Variants in EPAS1 observed in about 807,000 individuals in gnomAD.
EPAS1 encodes endothelial PAS domain protein 1.
A neutral mutation model predicts 87.9 loss-of-function variants in EPAS1; 23 were observed. The ratio of observed to expected loss-of-function variants is 0.26; its 90% CI spans 0.19 to 0.37. The LOEUF (loss-of-function observed/expected upper bound fraction) is 0.37, where lower values mean the gene tolerates loss of function less well. Ranked by LOEUF, EPAS1 falls within the 10% of genes least tolerant of loss-of-function variation. The pLI is 1.00. For synonymous variants in EPAS1, 508 were observed against 444.3 expected (o/e 1.14, Z -1.80); for missense variants, 1,138 against 1,120.7 (o/e 1.02, Z -0.22).
At position 46,380,315 on chromosome 2, in the gene EPAS1, A is replaced by C; in HGVS notation, c.1643A>C (p.Glu548Ala). ...TTCCAGCTAAGCCCCATCTGCCCCG[A>C]GGAGCGGCTCTTGGCGGAGAACCCA... The part of the protein sequence containing the change: ...EDFQLSPICP[E>A]ERLLAENPQS... The change falls in exon 12 of 16, where the codon GAG (glutamate) becomes GCG (alanine). Residue 548 changes from glutamate to alanine, a missense_variant. By Grantham distance (107) the Glu-to-Ala change is moderately radical (BLOSUM62 -1). Coordinates refer to ENST00000263734, the MANE Select transcript of EPAS1 (RefSeq NM_001430.5). The surrounding 1 kb of genome is among the most constrained non-coding windows in gnomAD (Gnocchi z 4.4). The C allele has an allele frequency of 6.2e-7, 1 of 1,614,104 alleles. No homozygotes were observed. The highest frequency in any genetic ancestry group is 8.5e-7 in the Non-Finnish European group (1 of 1,180,004).
intron 2 of EPAS1, among the ~76,000 whole-genome samples, chr2:46,355,168 C>T (rs1684245114): frequency 6.6e-6 from 1 of 152,144 alleles, no homozygotes; most frequent in African/African-American, 2.4e-5. Flanking sequence ...GGGATCTGAG[C>T]AATTTGAGGG....
rs747618081 is a variant in EPAS1, at chr2:46,381,985, C to G, written c.2183C>G (p.Pro728Arg). The change falls in exon 14 of 16, where the codon CCT (proline) becomes CGT (arginine). Residue 728 changes from proline (P) to arginine (R), a missense_variant. This residue lies in a region of EPAS1 where 502 missense variants were observed against 427.1 expected (regional missense o/e 1.18). Coordinates refer to ENST00000263734, the MANE Select transcript of EPAS1 (RefSeq NM_001430.5). ...CCTTCTTACTCCCAGGGGGACCCAC[C>G]TGGTGGCAGCACCTCACATTTGATG... Reference protein sequence around the residue: ...AFQDLSGGDPPGGSTSHLMWK... With the variant: ...AFQDLSGGDPRGGSTSHLMWK... The G allele has an allele frequency of 1.5e-5, 25 of 1,613,990 alleles. No individual in the cohort carries two copies. Among genetic ancestry groups the G allele is most frequent in the Middle Eastern group, 3.3e-4 (2 of 6,084 alleles).
At chr2:46,326,930 A>G (rs1683575001) in intron 1 of EPAS1, among the ~76,000 whole-genome samples, 2 of 152,208 alleles carry the variant, frequency 1.3e-5, no homozygotes, top group South Asian at 4.1e-4. Context: ...TTTACCACCT[A>G]TGAGTTGTGG....
At chr2:46,307,047 C>A (rs1683118541) in intron 1 of EPAS1, among the ~76,000 whole-genome samples, 1 of 152,194 alleles carries the variant, frequency 6.6e-6, no homozygotes, top group African/African-American at 2.4e-5. Context: ...TGCCCCTTTC[C>A]TGTGTATTTA....
chr2:46,327,718 G>A, intron 1 of EPAS1, among the ~76,000 whole-genome samples: 1 of 152,182 alleles, frequency 6.6e-6, no homozygotes, highest in South Asian at 2.1e-4. Context: ...TATAGCCCCT[G>A]GCACAGAGTA....
intron 1 of EPAS1, among the ~76,000 whole-genome samples, chr2:46,326,611 C>G (rs907038835): frequency 2.6e-5 from 4 of 152,134 alleles, no homozygotes; most frequent in Non-Finnish European, 5.9e-5. Context: ...GCCTTACTAC[C>G]CTAGCATACT....
In EPAS1 at chr2:46,326,825, G is replaced by C. The variant is rs898498138; in HGVS notation, c.27-20048G>C. Among the ~76,000 whole-genome samples, 5 of 152,272 alleles carry C rather than the reference G, an allele frequency of 3.3e-5. No individual in the cohort carries two copies. The East Asian group carries it at 9.6e-4, about 29-fold the overall frequency. On this transcript the variant is annotated intron_variant, in intron 1 of 15. Coordinates refer to ENST00000263734, the MANE Select transcript of EPAS1 (RefSeq NM_001430.5). The stretch of plus-strand genomic sequence containing the variant: ...AGTAAATACCCTGATATGGAAATAG[G>C]GAAAATGGTTCTAGGGGTTTTGGAG...
At chr2:46,364,943 A>C (rs1684470694) in intron 6 of EPAS1, among the ~76,000 whole-genome samples, 1 of 152,236 alleles carries the variant, frequency 6.6e-6, no homozygotes. Context: ...GACATAAGCC[A>C]TTTAATGAAA....
intron 8 of EPAS1, 137 bp from the exon 9 acceptor site, chr2:46,376,402 C>A: frequency 1.2e-6 from 1 of 817,086 alleles, no homozygotes; most frequent in Non-Finnish European, 2.1e-6. Flanking sequence ...TTGTATGGTT[C>A]TTTATAAGAC....
intron 1 of EPAS1, among the ~76,000 whole-genome samples, chr2:46,343,002 C>A (rs1683941427): frequency 6.6e-6 from 1 of 152,006 alleles, no homozygotes; most frequent in Non-Finnish European, 1.5e-5. Flanking sequence ...AAAAAACAAA[C>A]CCAAAACAAA....
At chr2:46,352,190 A>T (rs1170968649) in intron 2 of EPAS1, among the ~76,000 whole-genome samples, 1 of 152,218 alleles carries the variant, frequency 6.6e-6, no homozygotes, top group African/African-American at 2.4e-5. Flanking sequence ...GATGATTTAC[A>T]GACCCACTTG....
rs563850355 is a variant in EPAS1 at position 46,356,251 on chromosome 2, C to T, written c.318C>T (p.Gly106=). 75 of 1,613,662 alleles carry T rather than the reference C, an allele frequency of 4.6e-5. No individual in the cohort carries two copies. Among genetic ancestry groups the T allele is most frequent in the East Asian group, 3.3e-4 (15 of 44,866 alleles). Residue 106 remains glycine (G), a synonymous_variant, in exon 3 of 16, where the codon GGC becomes GGT. Coordinates refer to ENST00000263734, the MANE Select transcript of EPAS1 (RefSeq NM_001430.5). ...TCATTGCCGTGGTGACCCAAGATGG[C>T]GACATGATCTTTCTGTCAGAAAACA... is the stretch of plus-strand genomic sequence containing the variant. ...EGFIAVVTQD[G]DMIFLSENIS... is the part of the protein sequence containing the mutation.
At chr2:46,330,365 G>A (rs1558589871) in intron 1 of EPAS1, among the ~76,000 whole-genome samples, 1 of 152,206 alleles carries the variant, frequency 6.6e-6, no homozygotes. Context: ...ACACATAGAT[G>A]GGTAGTGCAC....
chr2:46,350,971 G>C (rs1336820459), intron 2 of EPAS1, among the ~76,000 whole-genome samples: 1 of 152,210 alleles, frequency 6.6e-6, no homozygotes, highest in African/African-American at 2.4e-5. Context: ...GGCTTGATAT[G>C]ACCTTTCCAT....
At chr2:46,374,615 A>G (rs945616812) in intron 7 of EPAS1, among the ~76,000 whole-genome samples, 2 of 152,226 alleles carry the variant, frequency 1.3e-5, no homozygotes, top group African/African-American at 4.8e-5. Flanking sequence ...ATCCCAAGCT[A>G]GCAAGATTTC....
At chr2:46,341,695 C>T (rs950678379) in intron 1 of EPAS1, among the ~76,000 whole-genome samples, 1 of 150,896 alleles carries the variant, frequency 6.6e-6, no homozygotes, top group African/African-American at 2.4e-5. Context: ...GGAAGTGGAC[C>T]TGGGCGTCAG....
At chr2:46,374,359 A>G (rs113389467) in intron 7 of EPAS1, among the ~76,000 whole-genome samples, 4,915 of 152,230 alleles carry the variant, frequency 0.032, 285 homozygotes, top group African/African-American at 0.11. Flanking sequence ...GTGACAGGCC[A>G]TGGGCATAAT....
chr2:46,332,291 CGT>C (rs57893491), intron 1 of EPAS1, among the ~76,000 whole-genome samples: 10,029 of 110,590 alleles, frequency 0.091, 432 homozygotes, highest in East Asian at 0.18. Flanking sequence ...AAAAAAAATA[CGT>C]GTGTGTGTGT....
chr2:46,345,858 T>C (rs1472694002), intron 1 of EPAS1, among the ~76,000 whole-genome samples: 1 of 152,200 alleles, frequency 6.6e-6, no homozygotes, highest in Non-Finnish European at 1.5e-5. Context: ...TTAGCTAACA[T>C]TGATTGCTTA....
Sources: gnomAD v4.1 joint callset for allele counts (sites outside exome capture counted in the v4.1 genomes callset) on GRCh38, gnomAD v4.1.1 for gene constraint, gnomAD v4.1.1 regional missense constraint, Gnocchi (gnomAD v3.1) non-coding constraint, MANE v1.5 for transcripts, NCBI Gene and HGNC (gene_info 2026-07-23, HGNC 2026-07-21) for gene names.